PSMA1: variants seen among roughly 807,000 people sequenced by gnomAD.
PSMA1 encodes the protein proteasome 20S subunit alpha 1.
A neutral mutation model predicts 38.4 loss-of-function variants in PSMA1; 3 were observed. That is an observed-to-expected ratio of 0.08 (90% CI 0.04 to 0.20). The LOEUF is 0.20. PSMA1 is among the 10% of genes least tolerant of loss of function. PSMA1 has a pLI of 1.00. For synonymous variants in PSMA1, 101 were observed against 107.1 expected (o/e 0.94, Z 0.35); for missense variants, 227 against 325.3 (o/e 0.70, Z 2.32).
upstream of PSMA1, chr11:14,520,511 G>A (rs575802618): frequency 3.1e-5 from 44 of 1,425,162 alleles, no homozygotes; most frequent in South Asian, 6.1e-4. Flanking sequence ...CGGAGCCTCG[G>A]AAGATCTAGG....
At chr11:14,516,597 C>T (rs1851433845) in intron 4 of PSMA1, among the ~76,000 whole-genome samples, 1 of 152,178 alleles carries the variant, frequency 6.6e-6, no homozygotes, top group African/African-American at 2.4e-5. Flanking sequence ...ACCTGAAAGG[C>T]TCTGTGTTAG....
chr11:14,574,864 G>C (rs1178864253), intron 2 of PSMA1, among the ~76,000 whole-genome samples: 1 of 152,172 alleles, frequency 6.6e-6, no homozygotes, highest in Non-Finnish European at 1.5e-5. Context: ...GACTTATACA[G>C]TAAATTGGTA....
chr11:14,624,545 G>A (rs1260935145), intron 1 of PSMA1, among the ~76,000 whole-genome samples: 4 of 152,286 alleles, frequency 2.6e-5, no homozygotes, highest in East Asian at 1.9e-4. Flanking sequence ...TGGAGGTCCC[G>A]AGAGGGAGTG....
intron 2 of PSMA1, among the ~76,000 whole-genome samples, chr11:14,541,009 A>G (rs943828461): frequency 6.6e-6 from 1 of 152,224 alleles, no homozygotes; most frequent in African/African-American, 2.4e-5. Context: ...TAATGGGTGC[A>G]GTACACCAAC....
chr11:14,597,672 A>G (rs1341143901), intron 2 of PSMA1, among the ~76,000 whole-genome samples: 3 of 151,104 alleles, frequency 2.0e-5, no homozygotes, highest in Non-Finnish European at 3.0e-5. Flanking sequence ...TATCCTATCT[A>G]TTTTGTTGAT....
At chr11:14,613,223 A>AT (rs971657247) in intron 1 of PSMA1, among the ~76,000 whole-genome samples, 26 of 148,088 alleles carry the variant, frequency 1.8e-4, no homozygotes, top group East Asian at 8.0e-4. Context: ...TTAAAAATCA[A>AT]TTTTTTTTTA....
intron 2 of PSMA1, among the ~76,000 whole-genome samples, chr11:14,525,643 G>A (rs918449773): frequency 6.6e-5 from 10 of 152,052 alleles, no homozygotes; most frequent in African/African-American, 1.4e-4. Flanking sequence ...CCTGTAGTGC[G>A]CAACCCGTAC....
intron 8 of PSMA1, among the ~76,000 whole-genome samples, chr11:14,509,859 G>C (rs1181672545): frequency 1.3e-5 from 2 of 152,022 alleles, no homozygotes; most frequent in Non-Finnish European, 2.9e-5. Context: ...GAGTAGCTGG[G>C]ACTACAGGCG....
chr11:14,575,388 T>G (rs1364772538), intron 2 of PSMA1, among the ~76,000 whole-genome samples: 1 of 152,100 alleles, frequency 6.6e-6, no homozygotes, highest in Non-Finnish European at 1.5e-5. Flanking sequence ...TAGGTATATC[T>G]CCTAATGCTA....
intron 2 of PSMA1, among the ~76,000 whole-genome samples, chr11:14,577,052 G>A (rs982992093): frequency 3.9e-5 from 6 of 152,216 alleles, no homozygotes; most frequent in Middle Eastern, 3.4e-3. Context: ...ACTGTAAATG[G>A]CAGTTCACTC....
intron 4 of PSMA1, among the ~76,000 whole-genome samples, chr11:14,516,092 C>T (rs1404104906): frequency 3.3e-5 from 5 of 151,884 alleles, no homozygotes; most frequent in Middle Eastern, 3.4e-3. Flanking sequence ...TGCTTGTAGT[C>T]CCAGCTACTC....
At chr11:14,606,139 T>C (rs906110583) in intron 2 of PSMA1, among the ~76,000 whole-genome samples, 2 of 152,274 alleles carry the variant, frequency 1.3e-5, no homozygotes, top group African/African-American at 4.8e-5. Context: ...TAGAGAGTCC[T>C]TTCCTCATTG....
intron 1 of PSMA1, chr11:14,520,095 G>C: frequency 1.3e-6 from 1 of 764,176 alleles, no homozygotes; most frequent in Non-Finnish European, 2.1e-6. Context: ...AGCGAAAGCG[G>C]TGGAAAGGCC....
intron 1 of PSMA1, among the ~76,000 whole-genome samples, chr11:14,628,927 G>A (rs1179901572): frequency 4.6e-5 from 7 of 151,052 alleles, no homozygotes; most frequent in Non-Finnish European, 7.4e-5. Context: ...GTGATGATGA[G>A]CATTTTTTCA....
chr11:14,556,935 A>T (rs1407112306), intron 2 of PSMA1, among the ~76,000 whole-genome samples: 1 of 152,208 alleles, frequency 6.6e-6, no homozygotes, highest in East Asian at 1.9e-4. Context: ...TCCTGGGCTC[A>T]AGCAATCCTT....
At chr11:14,524,824 A>AT (rs1851569446), upstream of PSMA1, among the ~76,000 whole-genome samples, 1 of 152,096 alleles carries the variant, frequency 6.6e-6, no homozygotes, top group Non-Finnish European at 1.5e-5. Context: ...CATCTCACCG[A>AT]TTTTAAATCG....
At chr11:14,642,875 G>A (rs774570659) in intron 1 of PSMA1, among the ~76,000 whole-genome samples, 13 of 152,058 alleles carry the variant, frequency 8.5e-5, no homozygotes, top group Non-Finnish European at 1.5e-4. Context: ...ATCCAAACTG[G>A]GGAGTGGTCT....
chr11:14,631,595 C>G (rs1409859666), intron 1 of PSMA1, among the ~76,000 whole-genome samples: 2 of 152,072 alleles, frequency 1.3e-5, no homozygotes, highest in African/African-American at 4.8e-5. Context: ...AGTATGTGGT[C>G]AAGTTTGGAA....
chr11:14,528,720 A>G (rs1307866162), intron 2 of PSMA1, among the ~76,000 whole-genome samples: 2 of 152,186 alleles, frequency 1.3e-5, no homozygotes, highest in African/African-American at 4.8e-5. Context: ...AGATCCACAA[A>G]AGAAGTGAAA....
Sources: allele counts gnomAD v4.1 joint callset (sites outside exome capture counted in the v4.1 genomes callset), GRCh38; gene constraint gnomAD v4.1.1; transcripts MANE v1.5; gene names NCBI Gene and HGNC (gene_info 2026-07-23, HGNC 2026-07-21).